The following P3H2 variants were observed in gnomAD, a reference collection of about 807,000 sequenced individuals.
P3H2 encodes leprecan-like 1.
P3H2 carries 80 observed loss-of-function variants against 87.0 expected under a neutral mutation model. The observed-to-expected ratio is 0.92, with a 90% CI of 0.77 to 1.11. The LOEUF is 1.11. Among genes scored for constraint, P3H2 ranks in the 50% least tolerant of loss-of-function variants. The pLI is 0.00. For missense variants in P3H2, 1,001 were observed against 923.9 expected (o/e 1.08, Z -1.08); for synonymous variants, 367 against 359.3 (o/e 1.02, Z -0.24).
At position 190,070,224 on chromosome 3, in the gene P3H2, TATC is replaced by T. The variant is rs375203198; in HGVS notation, c.480+50025_480+50027del. ...TTACATAGAGATTTATTATTATTGT[TATC>T]ATTATTATTATTTACTATTGAGAGA... is the stretch of plus-strand genomic sequence containing the variant. On this transcript the variant is annotated intron_variant, in intron 1 of 14. Transcript: ENST00000319332. 3.7e-3 allele frequency among the ~76,000 whole-genome samples: 567 copies of T among 152,244 alleles called. 1 individual carries two copies. Among genetic ancestry groups the T allele is most frequent in the South Asian group, 0.011 (52 of 4,822 alleles).
At chr3:190,042,029 T>G (rs1725653685) in intron 1 of P3H2, among the ~76,000 whole-genome samples, 1 of 152,260 alleles carries the variant, frequency 6.6e-6, no homozygotes, top group South Asian at 2.1e-4. Flanking sequence ...TGTAAGTGCC[T>G]AAACCAATGG....
intron 1 of P3H2, among the ~76,000 whole-genome samples, chr3:190,034,648 G>C (rs1259360857): frequency 6.6e-6 from 1 of 152,072 alleles, no homozygotes; most frequent in Non-Finnish European, 1.5e-5. Context: ...GATTATAAAA[G>C]GGCTGCATGA....
At chr3:190,045,498 G>C (rs1159976128) in intron 1 of P3H2, among the ~76,000 whole-genome samples, 1 of 151,830 alleles carries the variant, frequency 6.6e-6, no homozygotes, top group Non-Finnish European at 1.5e-5. Context: ...ATATATCCTA[G>C]TTCTAAGTAT....
At chr3:190,068,574 G>A (rs1473132111) in intron 1 of P3H2, among the ~76,000 whole-genome samples, 1 of 152,148 alleles carries the variant, frequency 6.6e-6, no homozygotes, top group Non-Finnish European at 1.5e-5. Flanking sequence ...CAGTTACTAA[G>A]GAGCTGGCAA....
intron 1 of P3H2, among the ~76,000 whole-genome samples, chr3:190,095,793 G>T (rs534536003): frequency 6.6e-6 from 1 of 151,956 alleles, no homozygotes; most frequent in Non-Finnish European, 1.5e-5. Flanking sequence ...TGGTAGAGAC[G>T]GGGTTTCACC....
chr3:190,010,432 TA>T (rs1724549703), intron 1 of P3H2, among the ~76,000 whole-genome samples: 1 of 152,178 alleles, frequency 6.6e-6, no homozygotes, highest in African/African-American at 2.4e-5. Context: ...GAAACTGAGT[TA>T]AAATGAGGCC....
In P3H2 at chr3:189,984,542, G is replaced by A. The variant is rs766220278; in HGVS notation, c.1229+8C>T. ...TAAAAAACCAGTTTGCATTCTGAATGGACTTACCGATTCTCATCCTGTCGT... is the reference window on the plus strand; with the variant it reads ...TAAAAAACCAGTTTGCATTCTGAATAGACTTACCGATTCTCATCCTGTCGT... On this transcript the variant is annotated splice_region_variant and intron_variant, in intron 7 of 14. Transcript: ENST00000319332. 50 of 1,607,744 alleles carry A rather than the reference G, an allele frequency of 3.1e-5. No homozygotes were observed. In the South Asian group the frequency reaches 5.4e-4, roughly 17 times the overall value.
At chr3:190,027,168 T>A (rs1055155773) in intron 1 of P3H2, among the ~76,000 whole-genome samples, 4 of 152,312 alleles carry the variant, frequency 2.6e-5, no homozygotes, top group Middle Eastern at 6.8e-3. Flanking sequence ...TAACAGATAA[T>A]GTAATGCAAA....
At chr3:190,097,591 CAA>C (rs1403120674) in intron 1 of P3H2, among the ~76,000 whole-genome samples, 9 of 151,526 alleles carry the variant, frequency 5.9e-5, no homozygotes, top group African/African-American at 2.2e-4. Context: ...ATCATATCTA[CAA>C]AGTCTTACTT....
intron 1 of P3H2, among the ~76,000 whole-genome samples, chr3:190,083,923 A>G (rs965085862): frequency 2.0e-5 from 3 of 152,208 alleles, no homozygotes; most frequent in African/African-American, 7.2e-5. Flanking sequence ...GGGTACGTGG[A>G]TGTTTTCATT....
intron 1 of P3H2, among the ~76,000 whole-genome samples, chr3:190,091,560 T>TGTACTAGAAAGTACTAGAAA (rs1210571610): frequency 6.6e-6 from 1 of 152,244 alleles, no homozygotes; most frequent in Non-Finnish European, 1.5e-5. Flanking sequence ...TTATATATAT[T>TGTACTAGAAAGTACTAGAAA]GTACTAGAAA....
At chr3:189,965,322 G>A (rs940542783) in intron 13 of P3H2, among the ~76,000 whole-genome samples, 2 of 152,156 alleles carry the variant, frequency 1.3e-5, no homozygotes, top group Admixed American at 6.5e-5. Context: ...TGGAGGAGTC[G>A]GAAAGCCAGA....
intron 1 of P3H2, among the ~76,000 whole-genome samples, chr3:190,094,715 T>C (rs980272639): frequency 2.0e-5 from 3 of 152,142 alleles, no homozygotes; most frequent in Non-Finnish European, 4.4e-5. Flanking sequence ...AAAAGACATA[T>C]ATAGTACTTT....
At chr3:190,088,178 G>C (rs1165918518) in intron 1 of P3H2, among the ~76,000 whole-genome samples, 1 of 152,036 alleles carries the variant, frequency 6.6e-6, no homozygotes, top group African/African-American at 2.4e-5. Context: ...TTTTAAAGGA[G>C]TTCTTTCTTA....
chr3:190,003,358 C>G (rs1388047082), intron 1 of P3H2, among the ~76,000 whole-genome samples: 4 of 152,138 alleles, frequency 2.6e-5, no homozygotes, highest in African/African-American at 9.7e-5. Context: ...ACAACAGATT[C>G]CATCAGCTTT....
chr3:189,990,461 C>T (rs185110110), intron 3 of P3H2, among the ~76,000 whole-genome samples: 3 of 149,160 alleles, frequency 2.0e-5, no homozygotes, highest in South Asian at 2.2e-4. Context: ...AAGGTAAAGG[C>T]GAAAGATACC....
At chr3:189,995,226 G>A (rs1056334656) in intron 2 of P3H2, 64 bp downstream of exon 2, 7 of 1,491,552 alleles carry the variant, frequency 4.7e-6, no homozygotes, top group Non-Finnish European at 6.5e-6. Context: ...AATTTGCTGT[G>A]ACTCAGATGA....
chr3:190,075,014 A>G (rs889806659), intron 1 of P3H2, among the ~76,000 whole-genome samples: 26 of 152,186 alleles, frequency 1.7e-4, no homozygotes, highest in Non-Finnish European at 2.6e-4. Context: ...TCTGACCAAC[A>G]GCACCTCCCT....
At chr3:190,012,670 C>CT (rs985510104) in intron 1 of P3H2, among the ~76,000 whole-genome samples, 1 of 152,168 alleles carries the variant, frequency 6.6e-6, no homozygotes, top group Non-Finnish European at 1.5e-5. Flanking sequence ...ATCATTTCCT[C>CT]TGCTACGTCT....
Sources: allele counts gnomAD v4.1 joint callset (sites outside exome capture counted in the v4.1 genomes callset), GRCh38; gene constraint gnomAD v4.1.1; transcripts MANE v1.5; gene names NCBI Gene and HGNC (gene_info 2026-07-23, HGNC 2026-07-21).